The following CACNA2D1 variants were observed in gnomAD, a reference collection of about 807,000 sequenced individuals.
CACNA2D1 encodes the protein voltage-dependent calcium channel subunit alpha-2/delta-1.
In CACNA2D1, 53 loss-of-function variants were observed where a neutral mutation model predicts 171.5. That is an observed-to-expected ratio of 0.31 (90% CI 0.25 to 0.39). The LOEUF (loss-of-function observed/expected upper bound fraction) is 0.39. Ranked by LOEUF, CACNA2D1 falls within the 10% of genes least tolerant of loss-of-function variation. The pLI, the probability that CACNA2D1 is intolerant of heterozygous loss-of-function variation, is 1.00. For synonymous variants in CACNA2D1, 442 were observed against 443.1 expected (o/e 1.00, Z 0.03); for missense variants, 903 against 1,299.8 (o/e 0.69, Z 4.69).
intron 10 of CACNA2D1, among the ~76,000 whole-genome samples, chr7:82,049,155 A>G (rs1804907539): frequency 6.6e-6 from 1 of 151,286 alleles, no homozygotes; most frequent in Non-Finnish European, 1.5e-5. Flanking sequence ...AAAATCCTAA[A>G]TAACCTTGGC....
Position 81,950,256 on chromosome 7 carries a change from T to TA in CACNA2D1, c.*135dup. The TA allele has an allele frequency of 6.5e-7, 1 of 1,532,882 alleles. No homozygotes were observed. The highest frequency in any genetic ancestry group is 1.4e-5 in the African/African-American group (1 of 73,570). 95.0% of individuals were successfully genotyped at this position (1,532,882 alleles called of 1,614,324 possible). On this transcript the variant is annotated 3_prime_UTR_variant, in exon 39 of 39. Transcript: ENST00000356860. Reference sequence around the variant, plus strand: ...GTGGGTGCCTTAGGAGTCTGCGCCTTAGTGTTATGCCATGGAACAGGCCCA... The same window carrying TA: ...GTGGGTGCCTTAGGAGTCTGCGCCTTAAGTGTTATGCCATGGAACAGGCCCA...
intron 3 of CACNA2D1, among the ~76,000 whole-genome samples, chr7:82,323,513 C>T (rs888007017): frequency 3.9e-5 from 6 of 152,266 alleles, no homozygotes; most frequent in African/African-American, 7.2e-5. Context: ...TGCAGTCAGA[C>T]GAGGCTGACT....
rs1794790861 is a variant in CACNA2D1 at position 81,967,156 on chromosome 7, A to G, written c.2502+13T>C. ...ATATTGTACTCAAAAGTGATTTTAA[A>G]TAGTTTTCTTACGTCACTGTTTCTT... On this transcript the variant is annotated intron_variant, in intron 31 of 38. Coordinates refer to ENST00000356860, the MANE Select transcript of CACNA2D1 (RefSeq NM_000722.4). The G allele has an allele frequency of 5.0e-6, 8 of 1,596,536 alleles. No homozygotes were observed. Among genetic ancestry groups the G allele is most frequent in the Admixed American group, 1.7e-5 (1 of 59,618 alleles).
chr7:82,137,052 C>T (rs1340427374), intron 4 of CACNA2D1, among the ~76,000 whole-genome samples: 2 of 152,140 alleles, frequency 1.3e-5, no homozygotes, highest in Non-Finnish European at 2.9e-5. Context: ...TTGTTGAAGC[C>T]ATGATTTTTA....
At position 82,121,994 on chromosome 7, in the gene CACNA2D1, TGAA is replaced by T. The variant is rs566518939; in HGVS notation, c.397-4824_397-4822del. 3.3e-3 allele frequency among the ~76,000 whole-genome samples: 502 copies of T among 152,194 alleles called. 6 individuals carry two copies. The highest frequency in any genetic ancestry group is 0.028 in the South Asian group (136 of 4,828). On this transcript the variant is annotated intron_variant, in intron 5 of 38. Coordinates refer to ENST00000356860, the MANE Select transcript of CACNA2D1 (RefSeq NM_000722.4). Reference sequence around the variant, plus strand: ...TATAACATCAGTGGCGAAAGAAAGGTGAAGAAACAATTCTAGTTTTTAAAGATT... The same window carrying T: ...TATAACATCAGTGGCGAAAGAAAGGTGAAACAATTCTAGTTTTTAAAGATT...
intron 3 of CACNA2D1, among the ~76,000 whole-genome samples, chr7:82,179,843 AGGG>A (rs1796931162): frequency 6.6e-6 from 1 of 152,112 alleles, no homozygotes; most frequent in Non-Finnish European, 1.5e-5. Flanking sequence ...TTAAAAACTA[AGGG>A]GGAGAAGTTA....
At chr7:82,434,075 T>G (rs1829924406) in intron 1 of CACNA2D1, among the ~76,000 whole-genome samples, 1 of 152,158 alleles carries the variant, frequency 6.6e-6, no homozygotes, top group Non-Finnish European at 1.5e-5. Flanking sequence ...CCATGAGCAC[T>G]GGAGGCAGAT....
chr7:82,207,062 T>TTA (rs1472015724), intron 3 of CACNA2D1, among the ~76,000 whole-genome samples: 5 of 152,200 alleles, frequency 3.3e-5, no homozygotes, highest in Non-Finnish European at 7.3e-5. Context: ...CATTACAAGA[T>TTA]TTTTAGGCAG....
At chr7:82,442,932 C>T (rs1438663125) in intron 1 of CACNA2D1, among the ~76,000 whole-genome samples, 4 of 152,238 alleles carry the variant, frequency 2.6e-5, no homozygotes, top group African/African-American at 4.8e-5. Flanking sequence ...GGGAAGTCCA[C>T]GCTACCTCGG....
intron 1 of CACNA2D1, among the ~76,000 whole-genome samples, chr7:82,379,504 T>A (rs6467895): frequency 6.6e-6 from 1 of 151,966 alleles, no homozygotes; most frequent in Non-Finnish European, 1.5e-5. Flanking sequence ...AAATGATTAT[T>A]TTTATCTAAC....
intron 3 of CACNA2D1, among the ~76,000 whole-genome samples, chr7:82,317,159 A>T (rs929258845): frequency 3.9e-5 from 6 of 152,196 alleles, no homozygotes; most frequent in African/African-American, 1.2e-4. Flanking sequence ...ATAAGCTACC[A>T]AGAGTACCTA....
chr7:82,059,705 C>T (rs1439126651), intron 10 of CACNA2D1, among the ~76,000 whole-genome samples: 3 of 151,602 alleles, frequency 2.0e-5, no homozygotes, highest in African/African-American at 7.3e-5. Flanking sequence ...TAAGAAGATC[C>T]ACGCGGCACT....
At chr7:82,141,426 A>G (rs1419689713) in intron 4 of CACNA2D1, among the ~76,000 whole-genome samples, 2 of 152,198 alleles carry the variant, frequency 1.3e-5, no homozygotes, top group African/African-American at 4.8e-5. Context: ...AAAGGAGAAG[A>G]GGAAAAAGTC....
intron 1 of CACNA2D1, among the ~76,000 whole-genome samples, chr7:82,369,358 G>A (rs889703241): frequency 6.6e-6 from 1 of 151,252 alleles, no homozygotes; most frequent in Admixed American, 6.6e-5. Flanking sequence ...TGCTTGTAGG[G>A]ACTTTTTCAT....
intron 3 of CACNA2D1, among the ~76,000 whole-genome samples, chr7:82,272,542 C>T (rs1808775387): frequency 6.6e-6 from 1 of 152,102 alleles, no homozygotes; most frequent in African/African-American, 2.4e-5. Flanking sequence ...TCTTGAATTG[C>T]TCACTGTTGG....
chr7:82,115,526 TAC>T (rs1056762078), intron 6 of CACNA2D1, among the ~76,000 whole-genome samples: 2 of 151,604 alleles, frequency 1.3e-5, no homozygotes, highest in South Asian at 2.1e-4. Flanking sequence ...ACTATATCTA[TAC>T]ACACACACAC....
At chr7:82,073,999 G>A (rs1026237940) in intron 7 of CACNA2D1, among the ~76,000 whole-genome samples, 3 of 152,102 alleles carry the variant, frequency 2.0e-5, no homozygotes, top group African/African-American at 7.2e-5. Context: ...CAGATTTGTA[G>A]AATTGAAAAT....
intron 1 of CACNA2D1, among the ~76,000 whole-genome samples, chr7:82,391,375 G>A (rs1825101911): frequency 6.6e-6 from 1 of 152,170 alleles, no homozygotes; most frequent in African/African-American, 2.4e-5. Context: ...ACCATGCAGT[G>A]CAGTCTCCAC....
At chr7:82,421,862 G>C (rs904452965) in intron 1 of CACNA2D1, among the ~76,000 whole-genome samples, 1 of 152,112 alleles carries the variant, frequency 6.6e-6, no homozygotes. Flanking sequence ...TGATCTTACA[G>C]ATAATTTGGA....
Sources: allele counts gnomAD v4.1 joint callset (sites outside exome capture counted in the v4.1 genomes callset), GRCh38; gene constraint gnomAD v4.1.1; transcripts MANE v1.5; gene names NCBI Gene and HGNC (gene_info 2026-07-23, HGNC 2026-07-21).